Variants in MYO16 observed in about 807,000 individuals in gnomAD.
MYO16 encodes the protein unconventional myosin-XVI.
In MYO16, 94 loss-of-function variants were observed where a neutral mutation model predicts 205.3. The ratio of observed to expected loss-of-function variants is 0.46; its 90% CI spans 0.39 to 0.54. The LOEUF is 0.54. Among genes scored for constraint, MYO16 ranks in the 20% least tolerant of loss-of-function variants. The pLI is 0.00. For missense variants in MYO16, 2,315 were observed against 2,387.5 expected, an observed-to-expected ratio of 0.97 and a Z score of 0.63; for synonymous variants, 988 against 954.0, an observed-to-expected ratio of 1.04 and a Z score of -0.66.
intron 32 of MYO16, among the ~76,000 whole-genome samples, chr13:109,155,080 G>T (rs1448959352): frequency 6.6e-6 from 1 of 152,092 alleles, no homozygotes; most frequent in Non-Finnish European, 1.5e-5. Context: ...GCATTTTTGG[G>T]TACTGAAAAC....
At position 109,110,353 on chromosome 13, in the gene MYO16, T is replaced by A. The variant is rs140293089; in HGVS notation, c.3438+9466T>A. ...TAATGAAATAACGTATAGAATTACA[T>A]AGTGAGTCATTCACTAGTAAGCTCA... On this transcript the variant is annotated intron_variant, in intron 28 of 34. Transcript: ENST00000457511. Among the ~76,000 whole-genome samples the A allele has an allele frequency of 5.7e-3, 864 of 152,348 alleles. 10 individuals are homozygous for A. Among genetic ancestry groups the A allele is most frequent in the African/African-American group, 0.02 (818 of 41,586 alleles).
chr13:108,903,171 A>G (rs1880790025), intron 15 of MYO16, among the ~76,000 whole-genome samples: 1 of 152,200 alleles, frequency 6.6e-6, no homozygotes, highest in Non-Finnish European at 1.5e-5. Flanking sequence ...CTTAATAAGG[A>G]AAGAAAACAA....
intron 1 of MYO16, among the ~76,000 whole-genome samples, chr13:108,655,024 G>A (rs142313370): frequency 7.2e-5 from 11 of 152,304 alleles, no homozygotes; most frequent in East Asian, 1.9e-4. Context: ...CTGATGATGC[G>A]TAGAAAAGAA....
intron 1 of MYO16, among the ~76,000 whole-genome samples, chr13:108,605,345 C>G: frequency 6.6e-6 from 1 of 152,144 alleles, no homozygotes; most frequent in South Asian, 2.1e-4. Flanking sequence ...AAAAAAATCC[C>G]TTCCAATGTC....
At chr13:109,128,109 CAATT>C (rs1876354122) in intron 31 of MYO16, among the ~76,000 whole-genome samples, 1 of 152,180 alleles carries the variant, frequency 6.6e-6, no homozygotes, top group South Asian at 2.1e-4. Context: ...AGTAATGAGA[CAATT>C]ACTGTTTAAA....
At chr13:109,200,808 T>TC (rs1234024772) in intron 34 of MYO16, among the ~76,000 whole-genome samples, 1 of 151,916 alleles carries the variant, frequency 6.6e-6, no homozygotes, top group Admixed American at 6.6e-5. Context: ...AATCTTTAAG[T>TC]CTGTTCCTGT....
chr13:109,061,533 G>A (rs545484661), intron 27 of MYO16, among the ~76,000 whole-genome samples: 46 of 152,302 alleles, frequency 3.0e-4, no homozygotes, highest in African/African-American at 1.0e-3. Flanking sequence ...TCCAAGAAGA[G>A]GGAGAGAGAG....
chr13:109,042,679 G>T (rs1377861453), intron 23 of MYO16, among the ~76,000 whole-genome samples: 1 of 152,170 alleles, frequency 6.6e-6, no homozygotes. Context: ...GTCAGTACTG[G>T]TCATCTATAT....
intron 10 of MYO16, among the ~76,000 whole-genome samples, chr13:108,853,486 G>T (rs1335186211): frequency 6.6e-6 from 1 of 151,766 alleles, no homozygotes; most frequent in Non-Finnish European, 1.5e-5. Flanking sequence ...TTGGAAATAC[G>T]TTTCCTTTAA....
chr13:109,067,578 A>T (rs1887792210), intron 27 of MYO16, among the ~76,000 whole-genome samples: 1 of 152,118 alleles, frequency 6.6e-6, no homozygotes, highest in Non-Finnish European at 1.5e-5. Flanking sequence ...ATTAGCATCC[A>T]CCCTCAATTG....
chr13:108,917,682 A>G (rs1881558654), intron 16 of MYO16, among the ~76,000 whole-genome samples: 1 of 152,378 alleles, frequency 6.6e-6, no homozygotes, highest in East Asian at 1.9e-4. Context: ...TGATCTGCCT[A>G]AGCCACAATG....
chr13:109,101,600 C>T (rs1888970343), intron 28 of MYO16: 1 of 152,110 alleles, frequency 6.6e-6, no homozygotes, highest in Admixed American at 6.5e-5. Context: ...CATCAGAGTC[C>T]ATCCTTGACT....
intron 2 of MYO16, among the ~76,000 whole-genome samples, chr13:108,679,021 A>G (rs1162741352): frequency 6.6e-6 from 1 of 152,138 alleles, no homozygotes; most frequent in East Asian, 1.9e-4. Flanking sequence ...TAAAAGCATG[A>G]ATCCCATTGA....
rs559580337 is a variant in MYO16, at chr13:108,987,528, A to G, written c.2370-4848A>G. Among the ~76,000 whole-genome samples the G allele has an allele frequency of 1.6e-4, 25 of 152,256 alleles. 1 individual carries two copies. Among genetic ancestry groups the G allele is most frequent in the Non-Finnish European group, 3.7e-4 (25 of 68,048 alleles). ...TAAATGAATAAATCAGCATATTGAC[A>G]GGGCAGTTGGTGAATGCCATAGCAT... On this transcript the variant is annotated intron_variant, in intron 20 of 34. Transcript: ENST00000457511.
the MYO16 span, among the ~76,000 whole-genome samples, chr13:108,504,566 C>G: frequency 6.6e-6 from 1 of 151,288 alleles, no homozygotes; most frequent in Non-Finnish European, 1.5e-5. Context: ...GATGGAGTCT[C>G]TCTCTGTTGC....
intron 23 of MYO16, 103 bp from the exon 24 acceptor site, chr13:109,046,813 T>C (rs535424439): frequency 3.2e-6 from 3 of 925,926 alleles, no homozygotes; most frequent in East Asian, 2.4e-5. Flanking sequence ...ACTTCTTTTA[T>C]GAATATTTGA....
intron 27 of MYO16, among the ~76,000 whole-genome samples, chr13:109,073,248 C>T (rs531560730): frequency 2.0e-5 from 3 of 150,486 alleles, no homozygotes; most frequent in African/African-American, 7.3e-5. Flanking sequence ...ATTACAGGCA[C>T]ATGAGACCAC....
intron 5 of MYO16, among the ~76,000 whole-genome samples, chr13:108,788,336 A>G (rs557932670): frequency 6.6e-6 from 1 of 152,234 alleles, no homozygotes; most frequent in Middle Eastern, 3.4e-3. Context: ...GTGAAATGAG[A>G]CAACCACGGA....
At chr13:108,884,655 A>C (rs1414537342) in intron 13 of MYO16, among the ~76,000 whole-genome samples, 1 of 140,628 alleles carries the variant, frequency 7.1e-6, no homozygotes, top group Non-Finnish European at 1.6e-5. Flanking sequence ...CATTCTAGAC[A>C]CAAGGATGAG....
Sources: gnomAD v4.1 joint callset for allele counts (sites outside exome capture counted in the v4.1 genomes callset) on GRCh38, gnomAD v4.1.1 for gene constraint, MANE v1.5 for transcripts, NCBI Gene and HGNC (gene_info 2026-07-23, HGNC 2026-07-21) for gene names.